Variants in CLYBL observed in about 807,000 individuals in gnomAD.
The protein encoded by CLYBL is citramalyl-CoA lyase.
In CLYBL, 31 loss-of-function variants were observed where a neutral mutation model predicts 38.9. The observed-to-expected ratio is 0.80, with a 90% CI of 0.60 to 1.08. CLYBL has a LOEUF of 1.08. Ranked by LOEUF, CLYBL falls within the 50% of genes least tolerant of loss-of-function variation. CLYBL has a pLI of 0.00. For missense variants in CLYBL, 434 were observed against 411.6 expected, an observed-to-expected ratio of 1.05 and a Z score of -0.47; for synonymous variants, 171 against 158.6, an observed-to-expected ratio of 1.08 and a Z score of -0.59.
chr13:99,671,971 G>A (rs559623482), intron 1 of CLYBL, among the ~76,000 whole-genome samples: 8 of 152,050 alleles, frequency 5.3e-5, no homozygotes, highest in South Asian at 4.2e-4. Context: ...ACCCTTCACC[G>A]TCTCCTTTTG....
intron 2 of CLYBL, among the ~76,000 whole-genome samples, chr13:99,776,130 C>T (rs1460134843): frequency 1.3e-5 from 2 of 149,348 alleles, no homozygotes; most frequent in Non-Finnish European, 1.5e-5. Context: ...TGCCACTGCA[C>T]TCCAGCCTGG....
At chr13:99,885,094 T>A (rs780007637) in intron 7 of CLYBL, 5 of 530,274 alleles carry the variant, frequency 9.4e-6, no homozygotes, top group African/African-American at 7.7e-5. Context: ...TGCCAGGTCC[T>A]GGGAGTCAAA....
intron 1 of CLYBL, among the ~76,000 whole-genome samples, chr13:99,623,285 T>C (rs1353374328): frequency 6.6e-6 from 1 of 152,216 alleles, no homozygotes; most frequent in Non-Finnish European, 1.5e-5. Context: ...ATTGTTTTTA[T>C]TGCAGCCATC....
intron 1 of CLYBL, among the ~76,000 whole-genome samples, chr13:99,716,639 C>T (rs997089493): frequency 6.6e-6 from 1 of 151,806 alleles, no homozygotes; most frequent in Non-Finnish European, 1.5e-5. Context: ...CCACCTCGGC[C>T]TCCCAAAGTG....
chr13:99,895,490 A>AC (rs2052563559), downstream of CLYBL: 1 of 152,134 alleles, frequency 6.6e-6, no homozygotes, highest in African/African-American at 2.4e-5. Flanking sequence ...GCAGGACCAG[A>AC]CCCCAGCATT....
chr13:99,739,975 G>GA (rs1467185717), intron 1 of CLYBL, among the ~76,000 whole-genome samples: 41 of 147,072 alleles, frequency 2.8e-4, no homozygotes, highest in African/African-American at 3.5e-4. Context: ...CCATCTTGAG[G>GA]AAAAAAAAAC....
chr13:99,749,932 A>C (rs1594158170), intron 1 of CLYBL, among the ~76,000 whole-genome samples: 2 of 152,252 alleles, frequency 1.3e-5, no homozygotes, highest in South Asian at 4.1e-4. Context: ...AGTAGGCCTC[A>C]ATTATCATAG....
chr13:99,860,866 T>C (rs1377308105), intron 3 of CLYBL, among the ~76,000 whole-genome samples: 3 of 152,276 alleles, frequency 2.0e-5, no homozygotes, highest in African/African-American at 7.2e-5. Flanking sequence ...GCTCGCCTTT[T>C]GTCGCTAGTG....
intron 1 of CLYBL, among the ~76,000 whole-genome samples, chr13:99,624,377 G>A (rs1226124679): frequency 6.6e-6 from 1 of 152,180 alleles, no homozygotes; most frequent in African/African-American, 2.4e-5. Context: ...TTTGACATGA[G>A]CGGGTGGAAA....
At chr13:99,870,555 AT>A (rs1555322317) in intron 6 of CLYBL, among the ~76,000 whole-genome samples, 1 of 152,172 alleles carries the variant, frequency 6.6e-6, no homozygotes, top group African/African-American at 2.4e-5. Context: ...TTCTCATTTA[AT>A]TTTTTTCTAC....
chr13:99,683,426 CAGT>C (rs1282795871), intron 1 of CLYBL, among the ~76,000 whole-genome samples: 1 of 152,128 alleles, frequency 6.6e-6, no homozygotes, highest in Admixed American at 6.5e-5. Context: ...TTTATAGTAA[CAGT>C]AAGTTTAAAA....
intron 1 of CLYBL, among the ~76,000 whole-genome samples, chr13:99,722,577 G>A (rs2048410875): frequency 6.6e-6 from 1 of 152,178 alleles, no homozygotes; most frequent in Non-Finnish European, 1.5e-5. Flanking sequence ...GAATGAATGA[G>A]TGAATGAATG....
intron 2 of CLYBL, among the ~76,000 whole-genome samples, chr13:99,789,387 G>A (rs1377173032): frequency 6.6e-6 from 1 of 152,104 alleles, no homozygotes; most frequent in Admixed American, 6.5e-5. Context: ...CAGAGATTCT[G>A]GTATGTTGTA....
chr13:99,692,159 G>A (rs555599638), intron 1 of CLYBL, among the ~76,000 whole-genome samples: 22 of 152,148 alleles, frequency 1.4e-4, no homozygotes, highest in Admixed American at 3.3e-4. Flanking sequence ...GCCAGCAGAC[G>A]CATTACATAT....
At chr13:99,702,369 G>A (rs1173527824) in intron 1 of CLYBL, among the ~76,000 whole-genome samples, 5 of 152,142 alleles carry the variant, frequency 3.3e-5, no homozygotes, top group African/African-American at 4.8e-5. Flanking sequence ...GGTGGCTCAT[G>A]CCTGTAATCC....
intron 2 of CLYBL, among the ~76,000 whole-genome samples, chr13:99,837,800 G>A (rs1027676913): frequency 6.7e-6 from 1 of 149,842 alleles, no homozygotes; most frequent in African/African-American, 2.5e-5. Flanking sequence ...GGAGCCTTTA[G>A]AAGCACGTGT....
chr13:99,781,876 A>G (rs2049663000), intron 2 of CLYBL, among the ~76,000 whole-genome samples: 1 of 152,236 alleles, frequency 6.6e-6, no homozygotes. Context: ...TTTACTAAGC[A>G]CGCTTAACAA....
chr13:99,630,163 C>T (rs2046923453), intron 1 of CLYBL, among the ~76,000 whole-genome samples: 1 of 152,178 alleles, frequency 6.6e-6, no homozygotes. Flanking sequence ...TACAAAGCCC[C>T]ATCTTCTGTT....
intron 1 of CLYBL, among the ~76,000 whole-genome samples, chr13:99,768,745 C>G (rs1161794746): frequency 6.6e-6 from 1 of 151,416 alleles, no homozygotes; most frequent in Non-Finnish European, 1.5e-5. Flanking sequence ...ACTCTGACCT[C>G]GGGTGATTCC....
Sources: gnomAD v4.1 joint callset for allele counts (sites outside exome capture counted in the v4.1 genomes callset) on GRCh38, gnomAD v4.1.1 for gene constraint, MANE v1.5 for transcripts, NCBI Gene and HGNC (gene_info 2026-07-23, HGNC 2026-07-21) for gene names.